The following B3GALT1 variants were observed in gnomAD, a reference collection of about 807,000 sequenced individuals.
The protein encoded by B3GALT1 is UDP-Gal:betaGlcNAc beta 1,3-galactosyltransferase, polypeptide 1.
B3GALT1 carries 10 observed loss-of-function variants against 23.2 expected under a neutral mutation model. The observed-to-expected ratio is 0.43, with a 90% CI of 0.27 to 0.73. The LOEUF (loss-of-function observed/expected upper bound fraction) is 0.73. Ranked by LOEUF, B3GALT1 falls within the 30% of genes least tolerant of loss-of-function variation. B3GALT1 has a pLI of 0.21. For synonymous variants in B3GALT1, 156 were observed against 141.5 expected, an observed-to-expected ratio of 1.10 and a Z score of -0.73; for missense variants, 299 against 405.4, an observed-to-expected ratio of 0.74 and a Z score of 2.25.
At chr2:167,407,774 G>A (rs1698309127) in intron 1 of B3GALT1, among the ~76,000 whole-genome samples, 1 of 151,898 alleles carries the variant, frequency 6.6e-6, no homozygotes, top group Non-Finnish European at 1.5e-5. Flanking sequence ...CACTTACCAA[G>A]ATTAAAACAC....
At chr2:167,518,735 A>G (rs1302733791) in intron 2 of B3GALT1, among the ~76,000 whole-genome samples, 2 of 152,212 alleles carry the variant, frequency 1.3e-5, no homozygotes, top group African/African-American at 4.8e-5. Flanking sequence ...ATGTGTGCCA[A>G]CTTGCTACAG....
At chr2:167,803,304 A>C (rs1688677507) in intron 3 of B3GALT1, among the ~76,000 whole-genome samples, 1 of 152,216 alleles carries the variant, frequency 6.6e-6, no homozygotes, top group African/African-American at 2.4e-5. Flanking sequence ...TAGACTTCCT[A>C]TTCCAAAATA....
chr2:167,815,645 G>C (rs1688980561), intron 3 of B3GALT1, among the ~76,000 whole-genome samples: 1 of 152,128 alleles, frequency 6.6e-6, no homozygotes. Context: ...TCATAAGTCG[G>C]TATACAGAAA....
chr2:167,450,167 A>G (rs551130224), intron 1 of B3GALT1, among the ~76,000 whole-genome samples: 3 of 152,182 alleles, frequency 2.0e-5, no homozygotes, highest in Admixed American at 2.0e-4. Context: ...TAGGATTGGT[A>G]CCAATTCTTT....
chr2:167,409,130 A>G (rs1559087789), intron 1 of B3GALT1, among the ~76,000 whole-genome samples: 1 of 152,228 alleles, frequency 6.6e-6, no homozygotes, highest in Non-Finnish European at 1.5e-5. Flanking sequence ...TTAGGTAAAT[A>G]TAAAACTGCT....
intron 1 of B3GALT1, among the ~76,000 whole-genome samples, chr2:167,383,793 C>T (rs576924239): frequency 3.3e-5 from 5 of 152,312 alleles, no homozygotes; most frequent in African/African-American, 1.2e-4. Flanking sequence ...CACCTCACAG[C>T]CGTTTGCAAT....
At chr2:167,821,260 T>G (rs1397167863) in intron 4 of B3GALT1, among the ~76,000 whole-genome samples, 1 of 152,070 alleles carries the variant, frequency 6.6e-6, no homozygotes, top group Admixed American at 6.5e-5. Flanking sequence ...AGCCCAACTT[T>G]TATGGGACTC....
At chr2:167,318,606 T>C (rs1185065336) in intron 1 of B3GALT1, among the ~76,000 whole-genome samples, 2 of 152,212 alleles carry the variant, frequency 1.3e-5, no homozygotes, top group East Asian at 3.9e-4. Flanking sequence ...TAAAAACGAG[T>C]TCATTAAGAT....
intron 2 of B3GALT1, among the ~76,000 whole-genome samples, chr2:167,524,311 A>G (rs1180834958): frequency 6.6e-6 from 1 of 152,138 alleles, no homozygotes; most frequent in Non-Finnish European, 1.5e-5. Flanking sequence ...ACCATTAACC[A>G]CTTGAGAAAA....
At chr2:167,760,034 G>T (rs927914640) in intron 3 of B3GALT1, among the ~76,000 whole-genome samples, 1 of 152,070 alleles carries the variant, frequency 6.6e-6, no homozygotes, top group Non-Finnish European at 1.5e-5. Flanking sequence ...TTCTATCATT[G>T]AGGGAGTCTC....
At chr2:167,828,690 CT>C (rs1488842622) in intron 4 of B3GALT1, among the ~76,000 whole-genome samples, 1 of 152,172 alleles carries the variant, frequency 6.6e-6, no homozygotes, top group Non-Finnish European at 1.5e-5. Flanking sequence ...TTACTGAGTG[CT>C]TACTCTATGC....
intron 3 of B3GALT1, among the ~76,000 whole-genome samples, chr2:167,703,461 A>AT (rs1686912388): frequency 6.6e-6 from 1 of 150,854 alleles, no homozygotes; most frequent in African/African-American, 2.4e-5. Flanking sequence ...TACGTTTTGT[A>AT]TTTTTTTTCT....
At chr2:167,295,485 T>C (rs1275186008) in intron 1 of B3GALT1, among the ~76,000 whole-genome samples, 3 of 152,212 alleles carry the variant, frequency 2.0e-5, no homozygotes, top group Admixed American at 6.5e-5. Context: ...GTAAAACTTT[T>C]TGTTTTCCTC....
chr2:167,729,246 G>A (rs1008665266), intron 3 of B3GALT1, among the ~76,000 whole-genome samples: 1 of 152,216 alleles, frequency 6.6e-6, no homozygotes, highest in African/African-American at 2.4e-5. Flanking sequence ...ATGAGCAGGT[G>A]AGGACAGGTG....
intron 3 of B3GALT1, among the ~76,000 whole-genome samples, chr2:167,718,706 G>A (rs1350218426): frequency 1.3e-5 from 2 of 152,110 alleles, no homozygotes; most frequent in Admixed American, 6.6e-5. Flanking sequence ...AGTGTGATGG[G>A]AGGACAAAAG....
At chr2:167,571,146 AG>A (rs1181629355) in intron 2 of B3GALT1, among the ~76,000 whole-genome samples, 6 of 151,942 alleles carry the variant, frequency 3.9e-5, no homozygotes, top group African/African-American at 9.7e-5. Context: ...GGCTTTTGTA[AG>A]GGACATTCAA....
rs79609859 is a variant in B3GALT1 at position 167,615,399 on chromosome 2, G to C, written c.-409-31510G>C. On this transcript the variant is annotated intron_variant, in intron 2 of 4. Transcript: ENST00000392690. ...GTTGGGGCCTGGTGGAGGGTGAGGAGAGTAGGAATTGGGGAGATATTGGTC... is the reference window on the plus strand; with the variant it reads ...GTTGGGGCCTGGTGGAGGGTGAGGACAGTAGGAATTGGGGAGATATTGGTC... 7.1e-3 allele frequency among the ~76,000 whole-genome samples: 1,080 copies of C among 152,024 alleles called. 4 individuals are homozygous for C. The highest frequency in any genetic ancestry group is 0.012 in the Non-Finnish European group (849 of 67,948).
At chr2:167,778,202 G>A (rs1399061616) in intron 3 of B3GALT1, among the ~76,000 whole-genome samples, 1 of 152,016 alleles carries the variant, frequency 6.6e-6, no homozygotes, top group Non-Finnish European at 1.5e-5. Context: ...TAGTAAGAAG[G>A]TTTTCTCCTT....
chr2:167,823,177 G>C (rs2105368467), intron 4 of B3GALT1, among the ~76,000 whole-genome samples: 1 of 152,260 alleles, frequency 6.6e-6, no homozygotes, highest in South Asian at 2.1e-4. Flanking sequence ...CAGGTGAAAA[G>C]CTTTCTGGCC....
Sources: allele counts gnomAD v4.1 joint callset (sites outside exome capture counted in the v4.1 genomes callset), GRCh38; gene constraint gnomAD v4.1.1; transcripts MANE v1.5; gene names NCBI Gene and HGNC (gene_info 2026-07-23, HGNC 2026-07-21).